Variants in S1PR1 observed in about 807,000 individuals in gnomAD.
S1PR1 encodes the protein sphingosine-1-phosphate receptor 1.
S1PR1 carries 2 observed loss-of-function variants against 18.3 expected under a neutral mutation model. That is an observed-to-expected ratio of 0.11 (90% CI 0.04 to 0.34). The LOEUF is 0.34. Ranked by LOEUF, S1PR1 falls within the 10% of genes least tolerant of loss-of-function variation. The pLI is 1.00. For missense variants in S1PR1, 335 were observed against 493.8 expected (o/e 0.68, Z 3.05); for synonymous variants, 222 against 211.2 (o/e 1.05, Z -0.44).
In S1PR1 at chr1:101,239,885, G is replaced by A; in HGVS notation, c.901G>A (p.Val301Met). The change falls in exon 2 of 2, where the codon GTG becomes ATG. Residue 301 changes from valine (V) to methionine (M), a missense_variant. Physicochemically the swap from Val to Met is conservative, Grantham distance 21. This residue lies in a region of S1PR1 where 214 missense variants were observed against 366.6 expected (regional missense o/e 0.58). Coordinates refer to ENST00000305352, the MANE Select transcript of S1PR1 (RefSeq NM_001400.5). This position sits in a 1 kb window ranked among gnomAD's most constrained non-coding sequence, Gnocchi z 6.3. The stretch of plus-strand genomic sequence containing the variant: ...AGCGGAGTACTTCCTGGTGTTAGCT[G>A]TGCTCAACTCCGGCACCAACCCCAT... ...FRAEYFLVLAVLNSGTNPIIY... is the reference protein window; with the variant it reads ...FRAEYFLVLAMLNSGTNPIIY... 6.2e-7 allele frequency: 1 copy of A among 1,613,804 alleles called. No homozygotes were observed. Among genetic ancestry groups the A allele is most frequent in the Non-Finnish European group, 8.5e-7 (1 of 1,180,026 alleles).
downstream of S1PR1, among the ~76,000 whole-genome samples, chr1:101,242,013 T>TG (rs67146816): frequency 2.2e-4 from 11 of 50,748 alleles, no homozygotes; most frequent in South Asian, 8.1e-4. Flanking sequence ...TGTGTTTTTT[T>TG]TTTTTTTTTT....
At position 101,241,153 on chromosome 1, in the gene S1PR1, G is replaced by A. The variant is rs1396944625; in HGVS notation, c.*1020G>A. ...GTTAAAAGTACTTTTCTTGATTTTTGAATGTATTTGTTTCAGCAGAAGTCA... is the reference window on the plus strand; with the variant it reads ...GTTAAAAGTACTTTTCTTGATTTTTAAATGTATTTGTTTCAGCAGAAGTCA... On this transcript the variant is annotated 3_prime_UTR_variant, in exon 2 of 2. Coordinates refer to ENST00000305352, the MANE Select transcript of S1PR1 (RefSeq NM_001400.5). The A allele has an allele frequency of 6.0e-6, 1 of 167,074 alleles. No individual in the cohort carries two copies. Among genetic ancestry groups the A allele is most frequent in the African/African-American group, 2.4e-5 (1 of 41,382 alleles). 10.3% of individuals were successfully genotyped at this position (167,074 alleles called of 1,614,324 possible).
chr1:101,241,966 T>C (rs1223508062), downstream of S1PR1, among the ~76,000 whole-genome samples: 1 of 151,740 alleles, frequency 6.6e-6, no homozygotes, highest in African/African-American at 2.4e-5. Flanking sequence ...CACCAACATG[T>C]TGGGGAAGTG....
rs1391373447 is a variant in S1PR1 at position 101,241,368 on chromosome 1, G to A, written c.*1235G>A. 6.0e-6 allele frequency: 1 copy of A among 167,080 alleles called. No individual in the cohort carries two copies. Among genetic ancestry groups the A allele is most frequent in the Non-Finnish European group, 1.5e-5 (1 of 68,084 alleles). 10.3% of individuals were successfully genotyped at this position (167,080 alleles called of 1,614,324 possible). A position where few individuals can be genotyped will look rare whatever the true frequency, so the allele number is the denominator to read the frequency against. On this transcript the variant is annotated 3_prime_UTR_variant, in exon 2 of 2. Coordinates refer to ENST00000305352, the MANE Select transcript of S1PR1 (RefSeq NM_001400.5). ...TTACAAAGAATAAAAATATATTACT[G>A]TCTCTTTAGTATGGTTTTCAGTGCA...
rs1249838596 is a variant in S1PR1, at chr1:101,240,136, C to A, written c.*3C>A. 1.2e-6 allele frequency: 2 copies of A among 1,612,930 alleles called. No individual in the cohort carries two copies. Among genetic ancestry groups the A allele is most frequent in the African/African-American group, 2.7e-5 (2 of 74,916 alleles). On this transcript the variant is annotated 3_prime_UTR_variant, in exon 2 of 2. Transcript: ENST00000305352. ...GAAACGTCAACTCTTCTTCCTAGAA[C>A]TGGAAGCTGTCCACCCACCGGAAGC...
chr1:101,237,941 G>A (rs1383107547), intron 1 of S1PR1: 1 of 138,698 alleles, frequency 7.2e-6, no homozygotes, highest in African/African-American at 2.7e-5. Context: ...GCTGCAATCT[G>A]TTATGAATGG....
rs778465812 is a variant in S1PR1 at position 101,239,080 on chromosome 1, G to C, written c.96G>C (p.Thr32=). The part of the protein sequence containing the change: ...YDIIVRHYNY[T]GKLNISADKE... Reference sequence around the variant, plus strand: ...TCATCGTCCGGCATTACAACTACACGGGAAAGCTGAATATCAGCGCGGACA... The same window carrying C: ...TCATCGTCCGGCATTACAACTACACCGGAAAGCTGAATATCAGCGCGGACA... Residue 32 remains threonine, a synonymous_variant, in exon 2 of 2, where the codon ACG becomes ACC. Transcript: ENST00000305352. This position sits in a 1 kb window ranked among gnomAD's most constrained non-coding sequence, Gnocchi z 6.3. 11 of 1,614,244 alleles carry C rather than the reference G, an allele frequency of 6.8e-6. No individual in the cohort carries two copies. Among genetic ancestry groups the C allele is most frequent in the Non-Finnish European group, 8.5e-6 (10 of 1,180,034 alleles).
chr1:101,238,677 T>A (rs3737579), intron 1 of S1PR1, 145 bp from the exon 2 acceptor site: 24,485 of 306,368 alleles, frequency 0.08, 1,254 homozygotes, highest in East Asian at 0.2. Flanking sequence ...ATTTGATTTT[T>A]AAAAAAAATC....
chr1:101,238,217 A>T (rs1479636815), intron 1 of S1PR1: 1 of 146,396 alleles, frequency 6.8e-6, no homozygotes, highest in Non-Finnish European at 1.5e-5. Context: ...TTTCCTGCAA[A>T]TCTGATTTCT....
In S1PR1 at chr1:101,238,818, T is replaced by G; in HGVS notation, c.-163-4T>G. On this transcript the variant is annotated splice_region_variant and splice_polypyrimidine_tract_variant and intron_variant, in intron 1 of 1. Coordinates refer to ENST00000305352, the MANE Select transcript of S1PR1 (RefSeq NM_001400.5). ...CCCTGACTCTCTCCTCTGACTTGTT[T>G]AAGGCTGCGGTTTCCGAGGCCCTCT... is the stretch of plus-strand genomic sequence containing the variant. 1.6e-6 allele frequency: 1 copy of G among 641,644 alleles called. No individual in the cohort carries two copies. The highest frequency in any genetic ancestry group is 2.7e-6 in the Non-Finnish European group (1 of 374,590). The allele number at this position is 641,644 out of a possible 1,614,324, so 39.7% of individuals were successfully genotyped here.
intron 1 of S1PR1, among the ~76,000 whole-genome samples, chr1:101,237,570 A>G (rs995906001): frequency 1.5e-4 from 23 of 152,276 alleles, no homozygotes; most frequent in African/African-American, 5.1e-4. Context: ...TCTCATCTCT[A>G]TTACCTCATT....
downstream of S1PR1, among the ~76,000 whole-genome samples, chr1:101,242,231 A>T (rs1475669889): frequency 1.3e-5 from 2 of 152,184 alleles, no homozygotes; most frequent in African/African-American, 4.8e-5. Flanking sequence ...AGCATCACAG[A>T]CTTATTGTAA....
rs866201624 is a variant in S1PR1 at position 101,239,217 on chromosome 1, G to T, written c.233G>T (p.Arg78Leu). The T allele has an allele frequency of 6.2e-7, 1 of 1,614,126 alleles. No individual in the cohort carries two copies. Among genetic ancestry groups the T allele is most frequent in the South Asian group, 1.1e-5 (1 of 91,068 alleles). Residue 78 changes from arginine to leucine, a missense_variant, in exon 2 of 2, where the codon CGA (arginine) becomes CTA (leucine). Physicochemically the swap from Arg to Leu is moderately radical, Grantham distance 102. Transcript: ENST00000305352. The surrounding 1 kb of genome is among the most constrained non-coding windows in gnomAD (Gnocchi z 6.3). ...LTIWKTKKFH[R>L]PMYYFIGNLA... The stretch of plus-strand genomic sequence containing the variant: ...ATTTGGAAAACCAAGAAATTCCACC[G>T]ACCCATGTACTATTTTATTGGCAAT...
chr1:101,240,099 T>C lies in S1PR1; in HGVS notation c.1115T>C (p.Ile372Thr). 1 of 1,613,106 alleles carries C rather than the reference T, an allele frequency of 6.2e-7. No individual in the cohort carries two copies. Among genetic ancestry groups the C allele is most frequent in the Non-Finnish European group, 8.5e-7 (1 of 1,180,012 alleles). Residue 372 changes from isoleucine to threonine, a missense_variant, in exon 2 of 2, where the codon ATT becomes ACT. Physicochemically the swap from Ile to Thr is moderately conservative, Grantham distance 89. Coordinates refer to ENST00000305352, the MANE Select transcript of S1PR1 (RefSeq NM_001400.5). ...QKDEGDNPET[I>T]MSSGNVNSSS is the part of the protein sequence containing the mutation. ...GACGAAGGGGACAACCCAGAGACCA[T>C]TATGTCTTCTGGAAACGTCAACTCT... is the stretch of plus-strand genomic sequence containing the variant.
At position 101,238,863 on chromosome 1, in the gene S1PR1, A is replaced by G. The variant is rs199649401; in HGVS notation, c.-122A>G. ...CCCTCTCCAGCCAAGGAAAAGCTAC[A>G]CAAAAAGCCTGGATCACTCATCGAA... On this transcript the variant is annotated 5_prime_UTR_variant, in exon 2 of 2. Transcript: ENST00000305352. 5.6e-5 allele frequency: 53 copies of G among 941,722 alleles called. No individual in the cohort carries two copies. In the South Asian group the frequency reaches 9.0e-4, roughly 16 times the overall value. The allele number at this position is 941,722 out of a possible 1,614,324, so 58.3% of individuals were successfully genotyped here. A position where few individuals can be genotyped will look rare whatever the true frequency, so the allele number is the denominator to read the frequency against.
chr1:101,239,818 G>A lies in S1PR1; in HGVS notation c.834G>A (p.Leu278=). Residue 278 remains leucine, a synonymous_variant, in exon 2 of 2, where the codon CTG becomes CTA. Transcript: ENST00000305352. The surrounding 1 kb of genome is among the most constrained non-coding windows in gnomAD (Gnocchi z 6.3). ...CWAPLFILLL[L]DVGCKVKTCD... Reference sequence around the variant, plus strand: ...CACCGCTCTTCATCCTGCTCCTGCTGGATGTGGGCTGCAAGGTGAAGACCT... The same window carrying A: ...CACCGCTCTTCATCCTGCTCCTGCTAGATGTGGGCTGCAAGGTGAAGACCT... 1.2e-6 allele frequency: 2 copies of A among 1,613,774 alleles called. No homozygotes were observed. The highest frequency in any genetic ancestry group is 1.7e-6 in the Non-Finnish European group (2 of 1,180,038).
At position 101,238,975 on chromosome 1, in the gene S1PR1, G is replaced by C. The variant is rs1036341841; in HGVS notation, c.-10G>C. On this transcript the variant is annotated 5_prime_UTR_variant, in exon 2 of 2. Transcript: ENST00000305352. ...CCACCCCGGCTTCCTGGGGACACAG[G>C]GTTGGCACCATGGGGCCCACCAGCG... 6.2e-7 allele frequency: 1 copy of C among 1,608,628 alleles called. No individual in the cohort carries two copies. The highest frequency in any genetic ancestry group is 8.5e-7 in the Non-Finnish European group (1 of 1,177,048).
rs757058147 is a variant in S1PR1 at position 101,239,269 on chromosome 1, A to T, written c.285A>T (p.Gly95=). 5.6e-6 allele frequency: 9 copies of T among 1,614,210 alleles called. No homozygotes were observed. The Admixed American group carries it at 1.5e-4, about 27-fold the overall frequency. ...GNLALSDLLA[G]VAYTANLLLS... is the part of the protein sequence containing the mutation. Reference sequence around the variant, plus strand: ...TGGCCCTCTCAGACCTGTTGGCAGGAGTAGCCTACACAGCTAACCTGCTCT... The same window carrying T: ...TGGCCCTCTCAGACCTGTTGGCAGGTGTAGCCTACACAGCTAACCTGCTCT... Residue 95 remains glycine (G), a synonymous_variant, in exon 2 of 2, where the codon GGA becomes GGT. Coordinates refer to ENST00000305352, the MANE Select transcript of S1PR1 (RefSeq NM_001400.5). The surrounding 1 kb of genome is among the most constrained non-coding windows in gnomAD (Gnocchi z 6.3).
At chr1:101,242,033 T>A (rs370294111), downstream of S1PR1, among the ~76,000 whole-genome samples, 15 of 149,886 alleles carry the variant, frequency 1.0e-4, no homozygotes, top group African/African-American at 3.7e-4. Flanking sequence ...TTCAGGACAC[T>A]GTCTTGGCTT....
Sources: gnomAD v4.1 joint callset for allele counts (sites outside exome capture counted in the v4.1 genomes callset) on GRCh38, gnomAD v4.1.1 for gene constraint, gnomAD v4.1.1 regional missense constraint, Gnocchi (gnomAD v3.1) non-coding constraint, MANE v1.5 for transcripts, NCBI Gene and HGNC (gene_info 2026-07-23, HGNC 2026-07-21) for gene names.